The following THADA variants were observed in gnomAD, a reference collection of about 807,000 sequenced individuals.
THADA encodes the protein tRNA (32-2'-O)-methyltransferase regulator THADA.
THADA carries 213 observed loss-of-function variants against 219.8 expected under a neutral mutation model. The ratio of observed to expected loss-of-function variants is 0.97; its 90% CI spans 0.87 to 1.09. THADA has a LOEUF of 1.09. Ranked by LOEUF, THADA falls within the 50% of genes least tolerant of loss-of-function variation. The probability of loss-of-function intolerance (pLI) is 0.00; values close to 1 mark genes in which losing one functional copy is unlikely to be tolerated. For missense variants in THADA, 2,956 were observed against 2,311.3 expected (o/e 1.28, Z -5.72); for synonymous variants, 1,018 against 828.9 (o/e 1.23, Z -3.92).
chr2:43,351,810 A>G (rs766432826), intron 29 of THADA, among the ~76,000 whole-genome samples: 1 of 152,242 alleles, frequency 6.6e-6, no homozygotes. Flanking sequence ...TAGTATTGAC[A>G]AGAGAGAAAG....
intron 26 of THADA, among the ~76,000 whole-genome samples, chr2:43,449,376 G>C (rs925364743): frequency 3.9e-5 from 6 of 152,094 alleles, no homozygotes; most frequent in Non-Finnish European, 7.4e-5. Context: ...AAGGAGAAGA[G>C]AGAGAGAGAA....
At chr2:43,252,618 C>G (rs539977318) in intron 36 of THADA, among the ~76,000 whole-genome samples, 1 of 152,284 alleles carries the variant, frequency 6.6e-6, no homozygotes, top group South Asian at 2.1e-4. Context: ...CCCACGCCCC[C>G]TACTCCTGAC....
chr2:43,304,228 C>G (rs1676585578), intron 31 of THADA, among the ~76,000 whole-genome samples: 1 of 152,038 alleles, frequency 6.6e-6, no homozygotes, highest in Non-Finnish European at 1.5e-5. Flanking sequence ...AGAAAAAATG[C>G]AAGGCCCAGA....
At chr2:43,521,207 AGAGGGCAG>A (rs1558903725) in intron 22 of THADA, among the ~76,000 whole-genome samples, 1 of 151,526 alleles carries the variant, frequency 6.6e-6, no homozygotes, top group African/African-American at 2.4e-5. Flanking sequence ...AGGGAAGGAA[AGAGGGCAG>A]GAGGGCAGGC....
At chr2:43,524,072 A>C (rs1396891456) in intron 22 of THADA, among the ~76,000 whole-genome samples, 5 of 152,160 alleles carry the variant, frequency 3.3e-5, no homozygotes, top group Non-Finnish European at 7.3e-5. Context: ...AACAAACTTA[A>C]CCACTCCAAT....
intron 36 of THADA, among the ~76,000 whole-genome samples, chr2:43,245,630 G>T (rs1041232928): frequency 6.6e-6 from 1 of 152,128 alleles, no homozygotes; most frequent in Non-Finnish European, 1.5e-5. Context: ...AGGGCTTCAG[G>T]TGGGAGAGAG....
chr2:43,430,860 T>C (rs1451442090), intron 26 of THADA, among the ~76,000 whole-genome samples: 2 of 152,232 alleles, frequency 1.3e-5, no homozygotes, highest in Non-Finnish European at 2.9e-5. Context: ...CTTTAGACAT[T>C]GCCAAATATA....
intron 36 of THADA, among the ~76,000 whole-genome samples, chr2:43,255,495 C>T (rs1168112232): frequency 6.6e-6 from 1 of 152,170 alleles, no homozygotes; most frequent in African/African-American, 2.4e-5. Context: ...TTGTTTTTCA[C>T]TGCTGTGGTG....
chr2:43,563,226 T>A (rs1260218040), intron 15 of THADA: 1 of 152,204 alleles, frequency 6.6e-6, no homozygotes, highest in African/African-American at 2.4e-5. Context: ...CTGCAATGCA[T>A]AAGTTTTCGT....
chr2:43,267,624 G>A (rs1671669686), intron 36 of THADA, among the ~76,000 whole-genome samples: 1 of 152,182 alleles, frequency 6.6e-6, no homozygotes, highest in Non-Finnish European at 1.5e-5. Context: ...CTTCCAGGCT[G>A]GCCCTTCCCT....
intron 20 of THADA, among the ~76,000 whole-genome samples, chr2:43,544,565 T>C (rs1440391677): frequency 2.0e-5 from 3 of 152,114 alleles, no homozygotes; most frequent in Non-Finnish European, 2.9e-5. Flanking sequence ...CAGTGGTTTG[T>C]AGTTCTCCTT....
At chr2:43,324,253 C>T (rs1679075311) in intron 30 of THADA, among the ~76,000 whole-genome samples, 1 of 152,226 alleles carries the variant, frequency 6.6e-6, no homozygotes, top group Non-Finnish European at 1.5e-5. Flanking sequence ...TTAGAGCCTT[C>T]TGCCAGGCTG....
At chr2:43,395,955 C>T (rs1673990554) in intron 29 of THADA, among the ~76,000 whole-genome samples, 1 of 152,154 alleles carries the variant, frequency 6.6e-6, no homozygotes, top group Non-Finnish European at 1.5e-5. Flanking sequence ...TGGAGTTTCG[C>T]CATGTTGGCC....
rs372494428 is a variant in THADA at position 43,571,776 on chromosome 2, G to T, written c.1995C>A (p.Phe665Leu). The T allele has an allele frequency of 6.2e-7, 1 of 1,613,732 alleles. No homozygotes were observed. Among genetic ancestry groups the T allele is most frequent in the Non-Finnish European group, 8.5e-7 (1 of 1,179,804 alleles). The change falls in exon 13 of 38, where the codon TTC becomes TTA. Residue 665 changes from phenylalanine to leucine, a missense_variant. Transcript: ENST00000405975. The stretch of plus-strand genomic sequence containing the variant: ...GGCTGTTAAGATTGTATGTAATAAA[G>T]AACTGAATCCACTGCATTTCTTCCA... ...VSMEEMQWIQ[F>L]FITYNLNSQS...
rs1366274518 is a variant in THADA, at chr2:43,360,143, T to C, written c.4228-15906A>G. On this transcript the variant is annotated intron_variant, in intron 29 of 37. Coordinates refer to ENST00000405975, the MANE Select transcript of THADA (RefSeq NM_022065.5). ...CCTTTGCAAAGTTCTCTCTGACAAT[T>C]CCAGGTCATGGCAATCATTCCATCC... 2.0e-5 allele frequency among the ~76,000 whole-genome samples: 3 copies of C among 152,194 alleles called. No homozygotes were observed. The East Asian group carries it at 5.8e-4, about 29-fold the overall frequency.
At chr2:43,387,014 T>C (rs1390158721) in intron 29 of THADA, among the ~76,000 whole-genome samples, 2 of 152,184 alleles carry the variant, frequency 1.3e-5, no homozygotes, top group Admixed American at 6.5e-5. Context: ...CAAAGCTTTA[T>C]GCTTAACTCA....
At chr2:43,448,887 C>CCAA (rs1012494847) in intron 26 of THADA, among the ~76,000 whole-genome samples, 1 of 151,956 alleles carries the variant, frequency 6.6e-6, no homozygotes, top group African/African-American at 2.4e-5. Context: ...CATCCTGTTT[C>CCAA]CAACAACAAC....
rs541438105 is a variant in THADA at position 43,424,797 on chromosome 2, C to T, written c.4058+3303G>A. Among the ~76,000 whole-genome samples the T allele has an allele frequency of 1.4e-3, 215 of 152,286 alleles. 2 individuals are homozygous for T. The highest frequency in any genetic ancestry group is 0.012 in the Admixed American group (182 of 15,296). ...CAGAAGGTGGCCAAGAAAGAAGAGC[C>T]AGGCTTCTACTGTATCTGGCCACAA... On this transcript the variant is annotated intron_variant, in intron 28 of 37. Coordinates refer to ENST00000405975, the MANE Select transcript of THADA (RefSeq NM_022065.5).
At chr2:43,410,278 C>T (rs751300425) in intron 28 of THADA, among the ~76,000 whole-genome samples, 3 of 152,158 alleles carry the variant, frequency 2.0e-5, no homozygotes, top group Non-Finnish European at 4.4e-5. Flanking sequence ...AATTAGAATT[C>T]TCATACTCTA....
Sources: gnomAD v4.1 joint callset for allele counts (sites outside exome capture counted in the v4.1 genomes callset) on GRCh38, gnomAD v4.1.1 for gene constraint, MANE v1.5 for transcripts, NCBI Gene and HGNC (gene_info 2026-07-23, HGNC 2026-07-21) for gene names.